Variants in TAFA1 observed in about 807,000 individuals in gnomAD.
TAFA1 encodes chemokine-like protein TAFA-1.
In TAFA1, 4 loss-of-function variants were observed where a neutral mutation model predicts 18.5. That is an observed-to-expected ratio of 0.22 (90% CI 0.11 to 0.49). TAFA1 has a LOEUF of 0.49. TAFA1 is among the 20% of genes least tolerant of loss of function. The pLI is 0.98. For missense variants in TAFA1, 147 were observed against 169.0 expected (o/e 0.87, Z 0.72); for synonymous variants, 56 against 55.2 (o/e 1.01, Z -0.06).
intron 2 of TAFA1, among the ~76,000 whole-genome samples, chr3:68,057,828 A>T (rs1439669967): frequency 6.6e-6 from 1 of 152,162 alleles, no homozygotes; most frequent in African/African-American, 2.4e-5. Flanking sequence ...TGGTTTGAAG[A>T]CAGAGGAAGT....
At chr3:67,994,423 A>T in the TAFA1 span, among the ~76,000 whole-genome samples, 1 of 152,182 alleles carries the variant, frequency 6.6e-6, no homozygotes, top group African/African-American at 2.4e-5. Flanking sequence ...TAAATTATCT[A>T]TAGGATAATC....
chr3:68,286,969 T>C (rs9837363), intron 2 of TAFA1, among the ~76,000 whole-genome samples: 91,867 of 152,098 alleles, frequency 0.6, 28,499 homozygotes, highest in African/African-American at 0.75. Context: ...TCATCGCACT[T>C]CCAGCAAGGG....
intron 2 of TAFA1, among the ~76,000 whole-genome samples, chr3:68,108,407 A>G (rs759176386): frequency 1.3e-5 from 2 of 151,720 alleles, no homozygotes; most frequent in Non-Finnish European, 2.9e-5. Flanking sequence ...AATAAAGCCA[A>G]GATAGTAGGA....
chr3:68,330,564 C>T (rs1305673754), intron 2 of TAFA1, among the ~76,000 whole-genome samples: 5 of 152,150 alleles, frequency 3.3e-5, no homozygotes, highest in Non-Finnish European at 7.4e-5. Context: ...TGTTATCACA[C>T]TTAATCCCCA....
At chr3:68,410,003 A>T (rs1202237464) in intron 2 of TAFA1, among the ~76,000 whole-genome samples, 1 of 152,134 alleles carries the variant, frequency 6.6e-6, no homozygotes, top group Non-Finnish European at 1.5e-5. Flanking sequence ...CCTCACTTGT[A>T]CAGCTCAAGA....
In TAFA1 at chr3:68,011,951, G is replaced by A. The variant is rs528706963; in HGVS notation, c.118+5207G>A. Among the ~76,000 whole-genome samples, 58 of 152,184 alleles carry A rather than the reference G, an allele frequency of 3.8e-4. 1 individual carries two copies. Among genetic ancestry groups the A allele is most frequent in the Middle Eastern group, 3.4e-3 (1 of 294 alleles). On this transcript the variant is annotated intron_variant, in intron 2 of 4. Transcript: ENST00000478136. ...CAATGCTATAAAAACTCTTACTTAC[G>A]TAAGCTCAAACCTATGGTTTCAACT...
At chr3:68,056,984 TG>T (rs1209805752) in intron 2 of TAFA1, among the ~76,000 whole-genome samples, 1 of 151,986 alleles carries the variant, frequency 6.6e-6, no homozygotes, top group East Asian at 1.9e-4. Flanking sequence ...AGTAAGGGAG[TG>T]GCTGACTGGT....
At chr3:68,285,152 T>G (rs1170749568) in intron 2 of TAFA1, among the ~76,000 whole-genome samples, 1 of 152,062 alleles carries the variant, frequency 6.6e-6, no homozygotes, top group Non-Finnish European at 1.5e-5. Context: ...AACACTATAT[T>G]GAGTGAAAGA....
chr3:68,320,473 AG>A (rs2068682031), intron 2 of TAFA1, among the ~76,000 whole-genome samples: 1 of 152,154 alleles, frequency 6.6e-6, no homozygotes, highest in African/African-American at 2.4e-5. Flanking sequence ...AAGGAGACTC[AG>A]GGGTGTTTTT....
intron 2 of TAFA1, among the ~76,000 whole-genome samples, chr3:68,370,664 A>G (rs2069687352): frequency 6.7e-6 from 1 of 149,036 alleles, no homozygotes; most frequent in Non-Finnish European, 1.5e-5. Context: ...GAAATTGAAA[A>G]TCTTATGAGA....
intron 2 of TAFA1, among the ~76,000 whole-genome samples, chr3:68,022,844 A>ATATATATTATATATAATATATATATAT (rs1575578532): frequency 0.012 from 30 of 2,570 alleles, no homozygotes; most frequent in East Asian, 0.051. Context: ...TATATATATT[A>ATATATATTATATATAATATATATATAT]TATATATATA....
At chr3:68,187,665 T>C (rs1407629791) in intron 2 of TAFA1, among the ~76,000 whole-genome samples, 1 of 152,036 alleles carries the variant, frequency 6.6e-6, no homozygotes, top group Non-Finnish European at 1.5e-5. Context: ...GCATTTCTCT[T>C]AAGCACATAC....
At chr3:68,335,832 G>A (rs1037320610) in intron 2 of TAFA1, among the ~76,000 whole-genome samples, 10 of 152,150 alleles carry the variant, frequency 6.6e-5, no homozygotes, top group African/African-American at 2.2e-4. Flanking sequence ...AAAATCTCAC[G>A]ATATTACTGG....
chr3:68,074,479 T>C (rs930140254), intron 2 of TAFA1, among the ~76,000 whole-genome samples: 1 of 152,168 alleles, frequency 6.6e-6, no homozygotes. Context: ...CTTGGGCAAA[T>C]ATTAAACTTC....
intron 3 of TAFA1, among the ~76,000 whole-genome samples, chr3:68,472,503 TACACACACACACAC>T (rs144677943): frequency 3.5e-5 from 5 of 141,132 alleles, no homozygotes; most frequent in Non-Finnish European, 3.0e-5. Context: ...TAGAACTAAA[TACACACACACACAC>T]ACACACACAC....
At chr3:68,360,544 AT>A (rs537956216) in intron 2 of TAFA1, among the ~76,000 whole-genome samples, 33 of 152,084 alleles carry the variant, frequency 2.2e-4, no homozygotes, top group Middle Eastern at 6.8e-3. Flanking sequence ...TGGTTATGTC[AT>A]TTAGTATGGT....
At chr3:68,456,314 C>T (rs539288921) in intron 3 of TAFA1, among the ~76,000 whole-genome samples, 1 of 152,262 alleles carries the variant, frequency 6.6e-6, no homozygotes, top group East Asian at 1.9e-4. Flanking sequence ...TGGCTTAAAT[C>T]CTGGTGCTTG....
At chr3:68,162,345 A>G (rs2065934570) in intron 2 of TAFA1, among the ~76,000 whole-genome samples, 1 of 152,142 alleles carries the variant, frequency 6.6e-6, no homozygotes, top group East Asian at 1.9e-4. Flanking sequence ...CATTAGTTAG[A>G]TTCTCATAAA....
chr3:68,386,169 G>A (rs1339862412), intron 2 of TAFA1, among the ~76,000 whole-genome samples: 4 of 152,030 alleles, frequency 2.6e-5, no homozygotes, highest in Non-Finnish European at 4.4e-5. Context: ...TATTTTTTCA[G>A]TAACACACGA....
Sources: allele counts gnomAD v4.1 joint callset (sites outside exome capture counted in the v4.1 genomes callset), GRCh38; gene constraint gnomAD v4.1.1; transcripts MANE v1.5; gene names NCBI Gene and HGNC (gene_info 2026-07-23, HGNC 2026-07-21).